PTPRQ: variants seen among roughly 807,000 people sequenced by gnomAD.
The protein encoded by PTPRQ is phosphatidylinositol phosphatase PTPRQ.
Under a neutral mutation model 246.0 loss-of-function variants are expected in PTPRQ, and 199 were observed. The ratio of observed to expected loss-of-function variants is 0.81; its 90% CI spans 0.72 to 0.91. The LOEUF is 0.91. PTPRQ is among the 40% of genes least tolerant of loss of function. PTPRQ has a pLI of 0.00. For synonymous variants in PTPRQ, 869 were observed against 853.2 expected (o/e 1.02, Z -0.32); for missense variants, 2,624 against 2,528.4 (o/e 1.04, Z -0.81).
intron 17 of PTPRQ, among the ~76,000 whole-genome samples, chr12:80,513,206 G>A (rs1895176288): frequency 6.6e-6 from 1 of 152,100 alleles, no homozygotes; most frequent in Non-Finnish European, 1.5e-5. Context: ...TCACACGTGG[G>A]CTTGGAGAGC....
chr12:80,645,109 A>C (rs1480818682), intron 35 of PTPRQ, among the ~76,000 whole-genome samples: 1 of 152,104 alleles, frequency 6.6e-6, no homozygotes, highest in Non-Finnish European at 1.5e-5. Flanking sequence ...GGATTTAGAT[A>C]AAAAAGAGTG....
At chr12:80,650,527 T>C (rs887455708) in intron 37 of PTPRQ, among the ~76,000 whole-genome samples, 7 of 151,998 alleles carry the variant, frequency 4.6e-5, no homozygotes, top group Non-Finnish European at 8.8e-5. Context: ...TGTGAACTCC[T>C]GAAACAAAGA....
Position 80,541,746 on chromosome 12 carries a change from G to A in PTPRQ, c.3346G>A (p.Glu1116Lys), listed in dbSNP as rs1287865470. 1.9e-6 allele frequency: 3 copies of A among 1,551,080 alleles called. No individual in the cohort carries two copies. Among genetic ancestry groups the A allele is most frequent in the Non-Finnish European group, 2.6e-6 (3 of 1,146,636 alleles). ...YERSIYFDNL[E>K]KYTDYILKIT... Reference sequence around the variant, plus strand: ...GAGAAGCATATATTTTGATAATCTGGAAAAATACACTGATTATATATTAAA... The same window carrying A: ...GAGAAGCATATATTTTGATAATCTGAAAAAATACACTGATTATATATTAAA... Residue 1116 changes from glutamate to lysine, a missense_variant, in exon 21 of 45, where the codon GAA becomes AAA. Physicochemically the swap from Glu to Lys is moderately conservative, Grantham distance 56. Transcript: ENST00000644991.
At position 80,670,402 on chromosome 12, in the gene PTPRQ, T is replaced by C. The variant is rs1241334419; in HGVS notation, c.6512T>C (p.Val2171Ala). 1 of 1,550,910 alleles carries C rather than the reference T, an allele frequency of 6.4e-7. No individual in the cohort carries two copies. The highest frequency in any genetic ancestry group is 2.4e-5 in the East Asian group (1 of 40,884). Residue 2171 changes from valine (V) to alanine (A), a missense_variant, in exon 42 of 45, where the codon GTT (valine) becomes GCT (alanine). By Grantham distance (64) the Val-to-Ala change is moderately conservative. Transcript: ENST00000644991. Reference sequence around the variant, plus strand: ...TTTACTGCCTGGCCAGAGCATGGGGTTCCTGAGAACAGCGCCCCTCTAATT... The same window carrying C: ...TTTACTGCCTGGCCAGAGCATGGGGCTCCTGAGAACAGCGCCCCTCTAATT... ...CNFTAWPEHG[V>A]PENSAPLIHF...
At position 80,546,694 on chromosome 12, in the gene PTPRQ, T is replaced by C; in HGVS notation, c.4012T>C (p.Ser1338Pro). The change falls in exon 24 of 45, where the codon TCA becomes CCA. Residue 1338 changes from serine (S) to proline (P), a missense_variant. Ser to Pro is a moderately conservative substitution (Grantham distance 74, BLOSUM62 -1). Coordinates refer to ENST00000644991, the MANE Select transcript of PTPRQ (RefSeq NM_001145026.2). Reference sequence around the variant, plus strand: ...TGTAGTAAAATTCACAACCCAAGAATCAGGTTAGATACAGTTTTTGAGCCT... The same window carrying C: ...TGTAGTAAAATTCACAACCCAAGAACCAGGTTAGATACAGTTTTTGAGCCT... ...SNVVKFTTQESVPDVVQNMQC... is the reference protein window; with the variant it reads ...SNVVKFTTQEPVPDVVQNMQC... The C allele has an allele frequency of 6.4e-7, 1 of 1,550,422 alleles. No individual in the cohort carries two copies. The highest frequency in any genetic ancestry group is 8.7e-7 in the Non-Finnish European group (1 of 1,146,580).
intron 35 of PTPRQ, among the ~76,000 whole-genome samples, chr12:80,648,105 A>G (rs1900137254): frequency 1.3e-5 from 2 of 152,034 alleles, no homozygotes; most frequent in African/African-American, 4.8e-5. Flanking sequence ...CTTTGCTTCA[A>G]AAAACATATC....
intron 6 of PTPRQ, among the ~76,000 whole-genome samples, chr12:80,464,087 A>G (rs1332757727): frequency 6.6e-6 from 1 of 152,018 alleles, no homozygotes; most frequent in African/African-American, 2.4e-5. Flanking sequence ...TTAGATAAAG[A>G]GTCAAGACCC....
At chr12:80,501,619 C>T (rs996715701) in intron 14 of PTPRQ, among the ~76,000 whole-genome samples, 11 of 151,940 alleles carry the variant, frequency 7.2e-5, no homozygotes, top group Admixed American at 1.3e-4. Context: ...CAGGGGGAGA[C>T]GTTAAGAAGC....
At chr12:80,644,793 T>C (rs1424031930) in intron 35 of PTPRQ, among the ~76,000 whole-genome samples, 1 of 152,072 alleles carries the variant, frequency 6.6e-6, no homozygotes, top group East Asian at 1.9e-4. Flanking sequence ...AAATACAATT[T>C]AGAATGTAGC....
chr12:80,553,786 C>T (rs1896557426), intron 25 of PTPRQ, among the ~76,000 whole-genome samples: 1 of 151,988 alleles, frequency 6.6e-6, no homozygotes, highest in African/African-American at 2.4e-5. Flanking sequence ...AATTTTATGC[C>T]CAAATATATC....
intron 23 of PTPRQ, among the ~76,000 whole-genome samples, chr12:80,544,174 A>G (rs974911808): frequency 2.0e-5 from 3 of 152,120 alleles, no homozygotes; most frequent in Non-Finnish European, 4.4e-5. Context: ...TTCAGTAGGG[A>G]CATTGCTTAC....
chr12:80,593,995 G>A (rs578018901), intron 26 of PTPRQ, among the ~76,000 whole-genome samples: 13 of 151,406 alleles, frequency 8.6e-5, no homozygotes, highest in African/African-American at 3.2e-4. Context: ...ATACTCATGA[G>A]GAATTTTAAC....
intron 14 of PTPRQ, among the ~76,000 whole-genome samples, chr12:80,504,761 T>G (rs1232887947): frequency 6.6e-6 from 1 of 151,934 alleles, no homozygotes; most frequent in Non-Finnish European, 1.5e-5. Context: ...CATATAGATA[T>G]CATGGATTTA....
chr12:80,461,475 T>C (rs778716753), intron 6 of PTPRQ, among the ~76,000 whole-genome samples: 1 of 152,004 alleles, frequency 6.6e-6, no homozygotes, highest in Non-Finnish European at 1.5e-5. Flanking sequence ...TATGAGAACA[T>C]ATTTTTGGTA....
chr12:80,460,527 A>C (rs1434492767), intron 5 of PTPRQ, 126 bp from the exon 6 acceptor site: 1 of 394,528 alleles, frequency 2.5e-6, no homozygotes, highest in East Asian at 3.6e-5. Flanking sequence ...AAATTTGTCT[A>C]TAACTTTTGC....
intron 17 of PTPRQ, among the ~76,000 whole-genome samples, chr12:80,515,316 G>T (rs1187124943): frequency 6.6e-6 from 1 of 152,034 alleles, no homozygotes; most frequent in Non-Finnish European, 1.5e-5. Flanking sequence ...ATTGTTAGCA[G>T]GATTACTGTT....
intron 14 of PTPRQ, among the ~76,000 whole-genome samples, chr12:80,501,812 G>A (rs1055371054): frequency 3.9e-5 from 6 of 151,962 alleles, no homozygotes; most frequent in African/African-American, 1.4e-4. Context: ...CTGCTGACAA[G>A]TAAAGTAAGA....
chr12:80,475,881 T>C (rs986877033), intron 8 of PTPRQ, among the ~76,000 whole-genome samples: 7 of 152,086 alleles, frequency 4.6e-5, no homozygotes, highest in African/African-American at 1.4e-4. Context: ...TTGGTTTCAC[T>C]AGCAAAATAA....
intron 9 of PTPRQ, among the ~76,000 whole-genome samples, chr12:80,485,149 A>T (rs928707836): frequency 6.6e-6 from 1 of 152,156 alleles, no homozygotes; most frequent in Non-Finnish European, 1.5e-5. Context: ...TAAGAGGACC[A>T]GGATCTTTAG....
Sources: gnomAD v4.1 joint callset for allele counts (sites outside exome capture counted in the v4.1 genomes callset) on GRCh38, gnomAD v4.1.1 for gene constraint, MANE v1.5 for transcripts, NCBI Gene and HGNC (gene_info 2026-07-23, HGNC 2026-07-21) for gene names.